Variants in BMP1 observed in about 807,000 individuals in gnomAD.
The protein encoded by BMP1 is bone morphogenetic protein 1, also known as mammalian tolloid protein.
In BMP1, 63 loss-of-function variants were observed where a neutral mutation model predicts 116.8. The ratio of observed to expected loss-of-function variants is 0.54; its 90% confidence interval spans 0.44 to 0.67. The LOEUF is 0.67. BMP1 is among the 30% of genes least tolerant of loss of function. BMP1 has a pLI of 0.00. For missense variants in BMP1, 1,183 were observed against 1,358.9 expected, an observed-to-expected ratio of 0.87 and a Z score of 2.04; for synonymous variants, 536 against 533.4, an observed-to-expected ratio of 1.00 and a Z score of -0.07.
Position 22,176,617 on chromosome 8 carries a change from ACAGC to A in BMP1, c.519_522del (p.Ser174IlefsTer76). ...ACCTTCCTGGAGCGCACTGACGAGGACAGCTATATTGTGTTCACCTATCGACCTT... is the reference window on the plus strand; with the variant it reads ...ACCTTCCTGGAGCGCACTGACGAGGATATATTGTGTTCACCTATCGACCTT... On this transcript the variant is annotated frameshift_variant, in exon 4 of 20. Coordinates refer to ENST00000306385, the MANE Select transcript of BMP1 (RefSeq NM_006129.5). LOFTEE classifies it high-confidence loss of function. 1 of 1,614,174 alleles carries A rather than the reference ACAGC, an allele frequency of 6.2e-7. No individual in the cohort carries two copies. The highest frequency in any genetic ancestry group is 8.5e-7 in the Non-Finnish European group (1 of 1,180,014).
At position 22,166,599 on chromosome 8, in the gene BMP1, G is replaced by A. The variant is rs188082470; in HGVS notation, c.148+1046G>A. ...TTCAGCTCATCTCCAAATAGCCAGA[G>A]CCAGGGGAAGTGGCATAGTTGCTAG... On this transcript the variant is annotated intron_variant, in intron 1 of 19. Transcript: ENST00000306385. Among the ~76,000 whole-genome samples, 16 of 151,792 alleles carry A rather than the reference G, an allele frequency of 1.1e-4. No individual in the cohort carries two copies. The East Asian group carries it at 3.1e-3, about 29-fold the overall frequency.
intron 1 of BMP1, among the ~76,000 whole-genome samples, chr8:22,166,408 A>G (rs1258942695): frequency 2.6e-5 from 4 of 151,660 alleles, no homozygotes; most frequent in East Asian, 2.0e-4. Flanking sequence ...TGAAGACTCT[A>G]TGTAACCCCA....
Position 22,194,545 on chromosome 8 carries a change from G to A in BMP1, c.1398G>A (p.Gln466=). The A allele has an allele frequency of 1.2e-6, 2 of 1,614,192 alleles. No individual in the cohort carries two copies. The highest frequency in any genetic ancestry group is 8.5e-7 in the Non-Finnish European group (1 of 1,180,028). ...RPSKVCIWRI[Q]VSEGFHVGLT... is the part of the protein sequence containing the mutation. ...GCAAAGTCTGCATCTGGCGGATCCA[G>A]GTGTCTGAGGGCTTCCACGTGGGCC... Residue 466 remains glutamine, a synonymous_variant, in exon 11 of 20, where the codon CAG becomes CAA. Transcript: ENST00000306385. The surrounding 1 kb of genome is among the most constrained non-coding windows in gnomAD (Gnocchi z 4.5).
intron 15 of BMP1, chr8:22,199,455 C>T: frequency 8.4e-7 from 1 of 1,196,388 alleles, no homozygotes; most frequent in Non-Finnish European, 1.1e-6. Context: ...AACCTGCTCC[C>T]CCCAGCTCCC....
intron 16 of BMP1, among the ~76,000 whole-genome samples, chr8:22,206,111 A>G (rs890710775): frequency 2.0e-5 from 3 of 152,158 alleles, no homozygotes; most frequent in Non-Finnish European, 4.4e-5. Context: ...TCACGCCTGT[A>G]ATCCCAGCAC....
At chr8:22,192,750 C>T (rs1281633577) in intron 9 of BMP1, among the ~76,000 whole-genome samples, 3 of 152,248 alleles carry the variant, frequency 2.0e-5, no homozygotes, top group African/African-American at 7.2e-5. Flanking sequence ...ACAGAAGGTG[C>T]TTTAATGAAC....
chr8:22,205,991 G>A (rs1270724398), intron 16 of BMP1, among the ~76,000 whole-genome samples: 3 of 152,164 alleles, frequency 2.0e-5, no homozygotes, highest in Non-Finnish European at 2.9e-5. Flanking sequence ...GCAGGAGTGG[G>A]GGTGGGGAGA....
intron 16 of BMP1, among the ~76,000 whole-genome samples, chr8:22,205,618 CA>C (rs1266490827): frequency 6.6e-6 from 1 of 151,556 alleles, no homozygotes; most frequent in Non-Finnish European, 1.5e-5. Context: ...CTACAACAAG[CA>C]AAAATGAAAA....
intron 2 of BMP1, 37 bp from the exon 3 acceptor site, chr8:22,176,106 C>G: frequency 1.2e-6 from 2 of 1,602,858 alleles, no homozygotes; most frequent in Non-Finnish European, 1.7e-6. Context: ...CCTCCTCTTT[C>G]TCTCCACTCA....
chr8:22,167,074 G>A (rs903100597), intron 1 of BMP1, among the ~76,000 whole-genome samples: 1 of 152,214 alleles, frequency 6.6e-6, no homozygotes, highest in African/African-American at 2.4e-5. Context: ...ACTTAATAGT[G>A]CTTAACACAC....
chr8:22,205,531 T>C (rs1050155608), intron 16 of BMP1, among the ~76,000 whole-genome samples: 1 of 152,058 alleles, frequency 6.6e-6, no homozygotes, highest in African/African-American at 2.4e-5. Context: ...CCCTAGCACT[T>C]TGGGAAGCTG....
intron 16 of BMP1, among the ~76,000 whole-genome samples, chr8:22,205,082 G>C (rs1478660218): frequency 6.6e-6 from 1 of 152,206 alleles, no homozygotes; most frequent in Non-Finnish European, 1.5e-5. Flanking sequence ...AGGGCAGCAG[G>C]GTAGCAGGGT....
At chr8:22,196,890 G>A in intron 14 of BMP1, 50 bp downstream of exon 14, 7 of 1,570,874 alleles carry the variant, frequency 4.5e-6, no homozygotes, top group East Asian at 2.3e-5. Context: ...TGAGGCGTGG[G>A]CATTCAGCTC....
chr8:22,207,636 G>T, intron 18 of BMP1, 120 bp downstream of exon 18: 1 of 1,154,916 alleles, frequency 8.7e-7, no homozygotes, highest in Admixed American at 2.3e-5. Flanking sequence ...CCAGGGCCAG[G>T]GTTGTGGGTG....
intron 18 of BMP1, 64 bp from the exon 19 acceptor site, chr8:22,209,381 A>G (rs1486056725): frequency 1.9e-6 from 3 of 1,583,328 alleles, no homozygotes; most frequent in Admixed American, 1.8e-5. Context: ...GCCATGGCAT[A>G]GTGTGCCATG....
At chr8:22,169,262 C>T (rs750007335) in intron 1 of BMP1, 2 of 151,996 alleles carry the variant, frequency 1.3e-5, no homozygotes, top group African/African-American at 4.8e-5. Context: ...AGAAGCGCTA[C>T]TCCTCAGTCC....
In BMP1 at chr8:22,179,557, G is replaced by C; in HGVS notation, c.837-148G>C. 1 of 1,376,680 alleles carries C rather than the reference G, an allele frequency of 7.3e-7. No homozygotes were observed. The highest frequency in any genetic ancestry group is 9.8e-7 in the Non-Finnish European group (1 of 1,021,020). The allele number at this position is 1,376,680 out of a possible 1,614,324, so 85.3% of individuals were successfully genotyped here. On this transcript the variant is annotated intron_variant, in intron 6 of 19. Coordinates refer to ENST00000306385, the MANE Select transcript of BMP1 (RefSeq NM_006129.5). The surrounding 1 kb of genome is among the most constrained non-coding windows in gnomAD (Gnocchi z 4.6). ...TGGTCAGTGGGTAGCATAATGACAG[G>C]GTGAGACGACTCCACCCGGCCCTGA...
At chr8:22,173,410 G>T (rs1359538707) in intron 1 of BMP1, among the ~76,000 whole-genome samples, 192 bp from the exon 2 acceptor site, 1 of 152,240 alleles carries the variant, frequency 6.6e-6, no homozygotes, top group African/African-American at 2.4e-5. Context: ...TGAAAAGTAA[G>T]CATGAGCTTC....
At chr8:22,190,275 C>T (rs998705977) in intron 8 of BMP1, among the ~76,000 whole-genome samples, 10 of 152,134 alleles carry the variant, frequency 6.6e-5, no homozygotes, top group African/African-American at 2.4e-4. Flanking sequence ...TCACAGAATA[C>T]CACAATTAAT....
Sources: gnomAD v4.1 joint callset for allele counts (sites outside exome capture counted in the v4.1 genomes callset) on GRCh38, gnomAD v4.1.1 for gene constraint, Gnocchi (gnomAD v3.1) non-coding constraint, MANE v1.5 for transcripts, NCBI Gene and HGNC (gene_info 2026-07-23, HGNC 2026-07-21) for gene names.